SYCP1: variants seen among roughly 807,000 people sequenced by gnomAD.
SYCP1 encodes cancer/testis antigen 8.
In SYCP1, 64 loss-of-function variants were observed where a neutral mutation model predicts 153.1. The observed-to-expected ratio is 0.42, with a 90% CI of 0.34 to 0.51. The LOEUF (loss-of-function observed/expected upper bound fraction) is 0.51. Ranked by LOEUF, SYCP1 falls within the 20% of genes least tolerant of loss-of-function variation. The pLI is 0.06. For synonymous variants in SYCP1, 384 were observed against 341.8 expected (o/e 1.12, Z -1.36); for missense variants, 997 against 1,049.0 (o/e 0.95, Z 0.68).
At chr1:114,874,622 C>T (rs1268339418) in intron 9 of SYCP1, 58 bp downstream of exon 9, 9 of 1,039,940 alleles carry the variant, frequency 8.7e-6, no homozygotes, top group Middle Eastern at 2.1e-4. Context: ...CAAATTAGAG[C>T]GATTGCTACA....
chr1:114,984,945 T>G, intron 30 of SYCP1, 77 bp downstream of exon 30: 1 of 678,892 alleles, frequency 1.5e-6, no homozygotes, highest in Non-Finnish European at 2.0e-6. Context: ...TATACATGTA[T>G]AATATATTTA....
At chr1:114,891,307 T>C (rs1456916058) in intron 15 of SYCP1, among the ~76,000 whole-genome samples, 2 of 152,214 alleles carry the variant, frequency 1.3e-5, no homozygotes, top group African/African-American at 2.4e-5. Context: ...AGTGCTATTA[T>C]AGTTACAATA....
intron 8 of SYCP1, chr1:114,863,159 G>A (rs965731829): frequency 3.9e-5 from 6 of 152,154 alleles, no homozygotes; most frequent in Admixed American, 3.3e-4. Context: ...CCTAGTAATG[G>A]GATTGCTGGG....
intron 20 of SYCP1, among the ~76,000 whole-genome samples, chr1:114,916,382 T>C (rs1159006333): frequency 1.3e-5 from 2 of 152,116 alleles, no homozygotes; most frequent in Non-Finnish European, 2.9e-5. Flanking sequence ...ATGATTTCTA[T>C]GGCTTGATGG....
chr1:114,936,846 AAGGACCTCTTCAAGG>A (rs1301791926), intron 23 of SYCP1, among the ~76,000 whole-genome samples: 2 of 152,326 alleles, frequency 1.3e-5, no homozygotes, highest in Non-Finnish European at 2.9e-5. Context: ...AAGGGATGCG[AAGGACCTCTTCAAGG>A]AGAACTACAA....
At position 114,984,768 on chromosome 1, in the gene SYCP1, G is replaced by A; in HGVS notation, c.2603G>A (p.Arg868Lys). The A allele has an allele frequency of 6.7e-7, 1 of 1,502,178 alleles. No individual in the cohort carries two copies. The highest frequency in any genetic ancestry group is 8.9e-7 in the Non-Finnish European group (1 of 1,129,552). The allele number at this position is 1,502,178 out of a possible 1,614,324, so 93.1% of individuals were successfully genotyped here. A position where few individuals can be genotyped will look rare whatever the true frequency, so the allele number is the denominator to read the frequency against. Reference sequence around the variant, plus strand: ...CCAACAAAACCAAAACTACAGCAAAGAGAAAACTTGAATATACCCATTGAA... The same window carrying A: ...CCAACAAAACCAAAACTACAGCAAAAAGAAAACTTGAATATACCCATTGAA... ...KTPTKPKLQQ[R>K]ENLNIPIEES... Residue 868 changes from arginine to lysine, a missense_variant, in exon 30 of 32, where the codon AGA becomes AAA. Physicochemically the swap from Arg to Lys is conservative, Grantham distance 26. Transcript: ENST00000369522.
rs911418319 is a variant in SYCP1 at position 114,939,936 on chromosome 1, G to T, written c.1927-4403G>T. Among the ~76,000 whole-genome samples, 5 of 151,988 alleles carry T rather than the reference G, an allele frequency of 3.3e-5. No homozygotes were observed. The East Asian group carries it at 9.6e-4, about 29-fold the overall frequency. ...AGTTTGATAAATAATATTTTTCTGG[G>T]TTTCATCCAGTTCATCTACATTTTC... On this transcript the variant is annotated intron_variant, in intron 23 of 31. Coordinates refer to ENST00000369522, the MANE Select transcript of SYCP1 (RefSeq NM_003176.4).
At chr1:114,954,757 T>G (rs1023888666) in intron 27 of SYCP1, among the ~76,000 whole-genome samples, 1 of 152,022 alleles carries the variant, frequency 6.6e-6, no homozygotes, top group Non-Finnish European at 1.5e-5. Context: ...ATTTTTGTCT[T>G]TGTACTAGAG....
chr1:114,855,647 G>T, intron 2 of SYCP1, 75 bp downstream of exon 2: 1 of 1,197,742 alleles, frequency 8.3e-7, no homozygotes, highest in East Asian at 2.4e-5. Flanking sequence ...TTTCTTCCTG[G>T]TGGTGTTTTA....
intron 23 of SYCP1, among the ~76,000 whole-genome samples, chr1:114,937,563 A>C (rs1271098088): frequency 2.0e-5 from 3 of 152,192 alleles, no homozygotes; most frequent in Non-Finnish European, 2.9e-5. Context: ...ATTAAACTAA[A>C]GAGCTTCTGC....
At chr1:114,910,579 C>A in intron 17 of SYCP1, 78 bp downstream of exon 17, 3 of 894,166 alleles carry the variant, frequency 3.4e-6, no homozygotes, top group Middle Eastern at 3.6e-4. Flanking sequence ...ATAAGTATTT[C>A]TTTTGTTAAA....
At chr1:114,892,288 C>T (rs1666761162) in intron 15 of SYCP1, among the ~76,000 whole-genome samples, 1 of 152,100 alleles carries the variant, frequency 6.6e-6, no homozygotes, top group African/African-American at 2.4e-5. Flanking sequence ...GTGAGTGCTG[C>T]AGCAGTTGTG....
intron 19 of SYCP1, among the ~76,000 whole-genome samples, chr1:114,913,444 G>A (rs1668312255): frequency 6.6e-6 from 1 of 151,930 alleles, no homozygotes; most frequent in African/African-American, 2.4e-5. Flanking sequence ...ACAAGATTGT[G>A]GAGGATACAA....
intron 25 of SYCP1, among the ~76,000 whole-genome samples, 199 bp from the exon 26 acceptor site, chr1:114,946,090 G>T (rs1228351045): frequency 6.6e-6 from 1 of 151,750 alleles, no homozygotes; most frequent in Non-Finnish European, 1.5e-5. Flanking sequence ...TATTGAGGTT[G>T]TTTGAATGAA....
intron 12 of SYCP1, among the ~76,000 whole-genome samples, chr1:114,880,012 T>C (rs1282759218): frequency 2.0e-5 from 3 of 152,240 alleles, no homozygotes; most frequent in Non-Finnish European, 4.4e-5. Flanking sequence ...CTCTTAAATA[T>C]ATATTCGTCA....
At chr1:114,865,522 T>C (rs1310157993) in intron 8 of SYCP1, among the ~76,000 whole-genome samples, 1 of 152,248 alleles carries the variant, frequency 6.6e-6, no homozygotes, top group African/African-American at 2.4e-5. Context: ...TTTGCTGTGC[T>C]GCCCTGGGTC....
intron 23 of SYCP1, among the ~76,000 whole-genome samples, chr1:114,940,722 T>C (rs1296283594): frequency 6.6e-6 from 1 of 152,226 alleles, no homozygotes; most frequent in Non-Finnish European, 1.5e-5. Flanking sequence ...ATCCCTTACA[T>C]ACATGAAAAT....
At position 114,907,942 on chromosome 1, in the gene SYCP1, T is replaced by C. The variant is rs531542799; in HGVS notation, c.1321-2455T>C. On this transcript the variant is annotated intron_variant, in intron 16 of 31. Coordinates refer to ENST00000369522, the MANE Select transcript of SYCP1 (RefSeq NM_003176.4). ...CCAAGACAGTGCTATAATTTTTGCT[T>C]TAGTAGTCATATGTTTTTTAAATAA... 2.2e-4 allele frequency among the ~76,000 whole-genome samples: 33 copies of C among 152,272 alleles called. No homozygotes were observed. In the East Asian group the frequency reaches 6.4e-3, roughly 29 times the overall value.
chr1:114,858,614 A>G lies in SYCP1; in HGVS notation c.359A>G (p.Lys120Arg). The change falls in exon 6 of 32, where the codon AAA becomes AGA. Residue 120 changes from lysine (K) to arginine (R), a missense_variant. By Grantham distance (26) the Lys-to-Arg change is conservative. Transcript: ENST00000369522. ...YKEAEKIKKW[K>R]VSTEAELRQK... ...GAGGCTGAAAAGATAAAAAAATGGA[A>G]AGTAAGTACAGAAGCTGAACTGAGA... 2 of 1,613,120 alleles carry G rather than the reference A, an allele frequency of 1.2e-6. No individual in the cohort carries two copies. Among genetic ancestry groups the G allele is most frequent in the Non-Finnish European group, 1.7e-6 (2 of 1,179,402 alleles).
Sources: allele counts gnomAD v4.1 joint callset (sites outside exome capture counted in the v4.1 genomes callset), GRCh38; gene constraint gnomAD v4.1.1; transcripts MANE v1.5; gene names NCBI Gene and HGNC (gene_info 2026-07-23, HGNC 2026-07-21).